Variants in ETFA observed in about 807,000 individuals in gnomAD.
ETFA encodes the protein electron transfer flavoprotein subunit alpha, mitochondrial.
In ETFA, 22 loss-of-function variants were observed where a neutral mutation model predicts 46.2. That is an observed-to-expected ratio of 0.48 (90% confidence interval 0.34 to 0.68). The LOEUF (loss-of-function observed/expected upper bound fraction) is 0.68, where lower values mean the gene tolerates loss of function less well. ETFA is among the 30% of genes least tolerant of loss of function. The pLI, the probability that ETFA is intolerant of heterozygous loss-of-function variation, is 0.01. For synonymous variants in ETFA, 131 were observed against 139.9 expected (o/e 0.94, Z 0.45); for missense variants, 345 against 401.1 (o/e 0.86, Z 1.19).
intron 8 of ETFA, among the ~76,000 whole-genome samples, chr15:76,279,029 T>C (rs2039623068): frequency 6.6e-6 from 1 of 152,214 alleles, no homozygotes; most frequent in Admixed American, 6.5e-5. Context: ...TGTTATTACC[T>C]GTCCCAGCTT....
chr15:76,246,116 A>G (rs1454358978), intron 9 of ETFA, among the ~76,000 whole-genome samples: 1 of 152,244 alleles, frequency 6.6e-6, no homozygotes, highest in African/African-American at 2.4e-5. Flanking sequence ...ACTATATACC[A>G]GGCACAGTTT....
In ETFA at chr15:76,226,028, T is replaced by C. The variant is rs1013935397; in HGVS notation, c.883-99A>G. ...TTCCAATATATTAATATTCTTAAAA[T>C]GTCTACCAAATAAGATTTGAGGCAT... On this transcript the variant is annotated intron_variant, in intron 10 of 11. Coordinates refer to ENST00000557943, the MANE Select transcript of ETFA (RefSeq NM_000126.4). 142 of 751,252 alleles carry C rather than the reference T, an allele frequency of 1.9e-4. 1 individual carries two copies. The highest frequency in any genetic ancestry group is 3.1e-5 in the Non-Finnish European group (13 of 426,030). 46.5% of individuals were successfully genotyped at this position (751,252 alleles called of 1,614,324 possible).
chr15:76,295,806 T>C (rs531906388), intron 1 of ETFA, 69 bp from the exon 2 acceptor site: 5 of 1,069,252 alleles, frequency 4.7e-6, no homozygotes, highest in Non-Finnish European at 6.8e-6. Flanking sequence ...TTTTTTTTAC[T>C]AATTGTTAAG....
chr15:76,283,759 G>A lies in ETFA; in HGVS notation c.731C>T (p.Ala244Val). ...LYDLADQLHAAVGASRAAVDA... is the reference protein window; with the variant it reads ...LYDLADQLHAVVGASRAAVDA... ...TCTACTAAGGAAAATAACTTTACCT[G>A]CAGCATGTAGTTGATCTGCCAAGTC... The change falls in exon 8 of 12, where the codon GCA becomes GTA. Residue 244 changes from alanine (A) to valine (V), a missense_variant and splice_region_variant. Transcript: ENST00000557943. The A allele has an allele frequency of 6.3e-7, 1 of 1,583,192 alleles. No individual in the cohort carries two copies. The highest frequency in any genetic ancestry group is 8.7e-7 in the Non-Finnish European group (1 of 1,152,242).
intron 9 of ETFA, among the ~76,000 whole-genome samples, chr15:76,247,429 G>C (rs1278828784): frequency 6.6e-6 from 1 of 151,976 alleles, no homozygotes; most frequent in Non-Finnish European, 1.5e-5. Flanking sequence ...ATCTATTTCT[G>C]GACCTCAGGA....
intron 9 of ETFA, among the ~76,000 whole-genome samples, chr15:76,272,222 CTTTTT>C (rs561675037): frequency 7.3e-6 from 1 of 137,318 alleles, no homozygotes. Flanking sequence ...TTCTTTCTTT[CTTTTT>C]TTTTTTTTTT....
chr15:76,247,523 G>A (rs1226564962), intron 9 of ETFA, among the ~76,000 whole-genome samples: 2 of 152,062 alleles, frequency 1.3e-5, no homozygotes, highest in African/African-American at 4.8e-5. Context: ...ACTCACCACT[G>A]AACCGCAACC....
intron 9 of ETFA, among the ~76,000 whole-genome samples, chr15:76,257,796 A>G (rs1311121171): frequency 6.6e-6 from 1 of 152,038 alleles, no homozygotes; most frequent in Non-Finnish European, 1.5e-5. Flanking sequence ...AGACTGGATT[A>G]AGAAAATGTG....
intron 2 of ETFA, 139 bp from the exon 3 acceptor site, chr15:76,292,839 G>C (rs2039780829): frequency 1.4e-6 from 1 of 733,980 alleles, no homozygotes; most frequent in Non-Finnish European, 2.4e-6. Context: ...GGCCAGTTAA[G>C]AATTAAAATA....
intron 7 of ETFA, among the ~76,000 whole-genome samples, chr15:76,285,111 T>C (rs571263122): frequency 6.6e-6 from 1 of 152,204 alleles, no homozygotes; most frequent in East Asian, 1.9e-4. Flanking sequence ...CAGTGGGCCA[T>C]AAAAAAATCA....
At chr15:76,231,954 GA>G (rs2039070927) in intron 9 of ETFA, among the ~76,000 whole-genome samples, 1 of 152,012 alleles carries the variant, frequency 6.6e-6, no homozygotes, top group East Asian at 1.9e-4. Context: ...AGAAAAACCA[GA>G]AATACAAATT....
intron 9 of ETFA, among the ~76,000 whole-genome samples, chr15:76,252,028 T>C (rs189749704): frequency 9.8e-5 from 15 of 152,316 alleles, no homozygotes; most frequent in Non-Finnish European, 1.8e-4. Context: ...CCATGTGCCA[T>C]TAGTTTGTTT....
chr15:76,225,898 G>C lies in ETFA; in HGVS notation c.914C>G (p.Ala305Gly). ...TIVAINKDPE[A>G]PIFQVADYGI... ...ATAATCTGCCACTTGGAAAATTGGA[G>C]CTTCTGGGTCTTTATTAATTGCCAC... The change falls in exon 11 of 12, where the codon GCT (alanine) becomes GGT (glycine). Residue 305 changes from alanine to glycine, a missense_variant. Ala to Gly is a moderately conservative substitution (Grantham distance 60). Transcript: ENST00000557943. 1 of 1,611,810 alleles carries C rather than the reference G, an allele frequency of 6.2e-7. No homozygotes were observed. Among genetic ancestry groups the C allele is most frequent in the Non-Finnish European group, 8.5e-7 (1 of 1,177,980 alleles).
intron 9 of ETFA, chr15:76,260,986 T>C (rs113155777): frequency 0.13 from 181,474 of 1,349,520 alleles, 16 homozygotes; most frequent in Middle Eastern, 0.2. Context: ...GCCACACTAG[T>C]GTTGCCGCTG....
chr15:76,269,762 G>C (rs2039509549), intron 9 of ETFA, among the ~76,000 whole-genome samples: 1 of 152,072 alleles, frequency 6.6e-6, no homozygotes, highest in African/African-American at 2.4e-5. Flanking sequence ...CAGCAAATCA[G>C]AAACAGAAGG....
chr15:76,260,955 C>A, intron 9 of ETFA: 1 of 1,610,976 alleles, frequency 6.2e-7, no homozygotes, highest in South Asian at 1.1e-5. Flanking sequence ...CAGGGCTCGG[C>A]CATCAGCACC....
At chr15:76,285,587 A>G (rs1413878177) in intron 7 of ETFA, 50 bp downstream of exon 7, 1 of 1,050,056 alleles carries the variant, frequency 9.5e-7, no homozygotes, top group African/African-American at 1.6e-5. Context: ...ATAAAAAAAA[A>G]AATCAAAGTA....
intron 9 of ETFA, among the ~76,000 whole-genome samples, chr15:76,264,241 A>C (rs979375565): frequency 2.0e-5 from 3 of 152,234 alleles, no homozygotes; most frequent in African/African-American, 7.2e-5. Flanking sequence ...GGATACTTTA[A>C]CAAAATCTGT....
At chr15:76,284,482 T>TTTTA (rs551137419) in intron 7 of ETFA, 241 of 206,070 alleles carry the variant, frequency 1.2e-3, no homozygotes, top group African/African-American at 5.1e-3. Flanking sequence ...AAATTATTAT[T>TTTTA]TTTATTTATT....
Sources: allele counts gnomAD v4.1 joint callset (sites outside exome capture counted in the v4.1 genomes callset), GRCh38; gene constraint gnomAD v4.1.1; transcripts MANE v1.5; gene names NCBI Gene and HGNC (gene_info 2026-07-23, HGNC 2026-07-21).